GAP43: variants seen among roughly 807,000 people sequenced by gnomAD.
GAP43 encodes growth associated protein 43, also known as neuromodulin.
In GAP43, 6 loss-of-function variants were observed where a neutral mutation model predicts 18.6. The observed-to-expected ratio is 0.32, with a 90% CI of 0.18 to 0.64. The LOEUF is 0.64. Ranked by LOEUF, GAP43 falls within the 30% of genes least tolerant of loss-of-function variation. The pLI, the probability that GAP43 is intolerant of heterozygous loss-of-function variation, is 0.78. For missense variants in GAP43, 292 were observed against 295.5 expected (o/e 0.99, Z 0.09); for synonymous variants, 115 against 111.4 (o/e 1.03, Z -0.20).
chr3:115,634,499 G>A (rs1055355274), intron 1 of GAP43, among the ~76,000 whole-genome samples: 1 of 152,052 alleles, frequency 6.6e-6, no homozygotes, highest in African/African-American at 2.4e-5. Flanking sequence ...AAATTGACTG[G>A]ATATGGTGGC....
chr3:115,623,733 T>C lies in GAP43; in HGVS notation c.30+14T>C, dbSNP rs1455039588. On this transcript the variant is annotated intron_variant, in intron 1 of 2. Coordinates refer to ENST00000305124, the MANE Select transcript of GAP43 (RefSeq NM_002045.4). ...AGAACCAAACAGGTAGAGCTAAAGA[T>C]TTTTTACTTCTTGCTGTTGTGAAAT... The C allele has an allele frequency of 6.2e-7, 1 of 1,613,982 alleles. No individual in the cohort carries two copies. Among genetic ancestry groups the C allele is most frequent in the Non-Finnish European group, 8.5e-7 (1 of 1,179,838 alleles).
chr3:115,634,781 A>C (rs1274003579), intron 1 of GAP43, among the ~76,000 whole-genome samples: 1 of 151,956 alleles, frequency 6.6e-6, no homozygotes, highest in East Asian at 1.9e-4. Context: ...AAATAAATAA[A>C]TAAATAAATA....
chr3:115,696,852 G>A (rs909735759), intron 2 of GAP43, among the ~76,000 whole-genome samples: 2 of 151,094 alleles, frequency 1.3e-5, no homozygotes, highest in African/African-American at 4.9e-5. Context: ...TTTGATTTTA[G>A]ACAGAGTCCC....
At chr3:115,713,508 T>C (rs1279257738) in intron 2 of GAP43, among the ~76,000 whole-genome samples, 1 of 152,222 alleles carries the variant, frequency 6.6e-6, no homozygotes, top group Non-Finnish European at 1.5e-5. Context: ...TCGCCATCCC[T>C]CCAGCAGCAT....
chr3:115,687,556 A>T (rs933807943), intron 2 of GAP43, among the ~76,000 whole-genome samples: 1 of 152,168 alleles, frequency 6.6e-6, no homozygotes, highest in Admixed American at 6.5e-5. Flanking sequence ...TAGAATCCTC[A>T]ATCAATGAAC....
chr3:115,656,253 G>A (rs951840054), intron 1 of GAP43, among the ~76,000 whole-genome samples: 2 of 152,282 alleles, frequency 1.3e-5, no homozygotes, highest in East Asian at 3.9e-4. Context: ...GTGGGATAGC[G>A]GCTGCTGGGT....
intron 2 of GAP43, among the ~76,000 whole-genome samples, chr3:115,681,410 T>A (rs1708956113): frequency 6.6e-6 from 1 of 152,198 alleles, no homozygotes; most frequent in Non-Finnish European, 1.5e-5. Context: ...TTCTGCATTT[T>A]CTTTTTTATC....
chr3:115,716,867 C>T lies in GAP43; in HGVS notation c.629-3927C>T, dbSNP rs188188155. Among the ~76,000 whole-genome samples the T allele has an allele frequency of 1.3e-4, 19 of 149,340 alleles. No individual in the cohort carries two copies. The South Asian group carries it at 1.5e-3, about 12-fold the overall frequency. On this transcript the variant is annotated intron_variant, in intron 2 of 2. Transcript: ENST00000305124. ...TCGAGTTTCATCAATTTTAATTTTA[C>T]GGGTTTTATTTTATAATTTGGAGCC...
intron 2 of GAP43, among the ~76,000 whole-genome samples, chr3:115,698,163 A>ATATT (rs1159395950): frequency 4.7e-4 from 23 of 49,142 alleles, no homozygotes; most frequent in East Asian, 7.6e-4. Flanking sequence ...TATAATATAT[A>ATATT]AAATATATTA....
chr3:115,630,085 A>G (rs1400227652), intron 1 of GAP43, among the ~76,000 whole-genome samples: 1 of 151,958 alleles, frequency 6.6e-6, no homozygotes, highest in Non-Finnish European at 1.5e-5. Context: ...GGTTACCACA[A>G]CTCTGGATCT....
At chr3:115,652,844 T>G (rs1212934275) in intron 1 of GAP43, among the ~76,000 whole-genome samples, 1 of 152,246 alleles carries the variant, frequency 6.6e-6, no homozygotes, top group Non-Finnish European at 1.5e-5. Flanking sequence ...ACCACCGTCT[T>G]GAGACAAAAT....
intron 1 of GAP43, among the ~76,000 whole-genome samples, chr3:115,640,478 C>G (rs1708382075): frequency 6.6e-6 from 1 of 152,030 alleles, no homozygotes; most frequent in Non-Finnish European, 1.5e-5. Flanking sequence ...TCCTTTGCTT[C>G]CAGTTTTCAC....
In GAP43 at chr3:115,714,127, C is replaced by T. The variant is rs181866418; in HGVS notation, c.629-6667C>T. Among the ~76,000 whole-genome samples, 93 of 152,212 alleles carry T rather than the reference C, an allele frequency of 6.1e-4. 1 individual carries two copies. Among genetic ancestry groups the T allele is most frequent in the African/African-American group, 2.1e-3 (89 of 41,522 alleles). On this transcript the variant is annotated intron_variant, in intron 2 of 2. Transcript: ENST00000305124. ...TGTCACCACTGCTATACTTGCAGTT[C>T]GTGGAACAGTGTATGGACATAGTAA...
At chr3:115,648,948 G>A (rs983074211) in intron 1 of GAP43, among the ~76,000 whole-genome samples, 1 of 152,080 alleles carries the variant, frequency 6.6e-6, no homozygotes, top group African/African-American at 2.4e-5. Flanking sequence ...CTCTGAGTGG[G>A]TAGTTTAGTT....
At chr3:115,694,513 C>T (rs920204063) in intron 2 of GAP43, among the ~76,000 whole-genome samples, 2 of 152,178 alleles carry the variant, frequency 1.3e-5, no homozygotes, top group Admixed American at 1.3e-4. Context: ...ATAACATTTA[C>T]TTATCTTGTG....
chr3:115,641,450 T>G (rs142913104), intron 1 of GAP43, among the ~76,000 whole-genome samples: 254 of 150,594 alleles, frequency 1.7e-3, no homozygotes, highest in African/African-American at 4.4e-3. Flanking sequence ...ACTATATATA[T>G]ATATAGAGAG....
chr3:115,636,042 T>G (rs1456627587), intron 1 of GAP43, among the ~76,000 whole-genome samples: 1 of 152,148 alleles, frequency 6.6e-6, no homozygotes, highest in South Asian at 2.1e-4. Context: ...TTGCTCAACC[T>G]GGATATATAG....
intron 1 of GAP43, among the ~76,000 whole-genome samples, chr3:115,633,673 A>T (rs943072257): frequency 1.3e-5 from 2 of 152,178 alleles, no homozygotes; most frequent in African/African-American, 4.8e-5. Context: ...AAATCTCCGT[A>T]CCAGTTTCAG....
chr3:115,640,578 G>C (rs899043536), intron 1 of GAP43, among the ~76,000 whole-genome samples: 1 of 152,054 alleles, frequency 6.6e-6, no homozygotes, highest in Non-Finnish European at 1.5e-5. Context: ...CTCCTCAATT[G>C]ATGTACACCC....
Sources: allele counts gnomAD v4.1 joint callset (sites outside exome capture counted in the v4.1 genomes callset), GRCh38; gene constraint gnomAD v4.1.1; transcripts MANE v1.5; gene names NCBI Gene and HGNC (gene_info 2026-07-23, HGNC 2026-07-21).